The following NTN1 variants were observed in gnomAD, a reference collection of about 807,000 sequenced individuals.
NTN1 encodes netrin-1.
In NTN1, 11 loss-of-function variants were observed where a neutral mutation model predicts 54.2. That is an observed-to-expected ratio of 0.20 (90% CI 0.13 to 0.34). The LOEUF (loss-of-function observed/expected upper bound fraction) is 0.34, where lower values mean the gene tolerates loss of function less well. Ranked by LOEUF, NTN1 falls within the 10% of genes least tolerant of loss-of-function variation. The pLI is 1.00. For missense variants in NTN1, 740 were observed against 893.1 expected (o/e 0.83, Z 2.18); for synonymous variants, 371 against 382.0 (o/e 0.97, Z 0.33).
chr17:9,058,186 G>A (rs780733311), intron 2 of NTN1, among the ~76,000 whole-genome samples: 4 of 152,140 alleles, frequency 2.6e-5, no homozygotes, highest in East Asian at 1.9e-4. Context: ...CACTATGTTC[G>A]TCCTATTTAT....
intron 2 of NTN1, among the ~76,000 whole-genome samples, chr17:9,109,257 G>A (rs970671015): frequency 5.9e-5 from 9 of 152,124 alleles, no homozygotes; most frequent in Admixed American, 2.0e-4. Flanking sequence ...TTCCTTTTTA[G>A]TTCCATTCAA....
intron 2 of NTN1, among the ~76,000 whole-genome samples, chr17:9,060,999 A>G (rs1000931105): frequency 1.4e-5 from 2 of 141,134 alleles, no homozygotes; most frequent in African/African-American, 5.1e-5. Flanking sequence ...AAAGTAGGCA[A>G]CAAAGGTTTA....
At chr17:9,106,467 C>CCCTTCCTTCCTTCCTTCCTTCCTT (rs200226901) in intron 2 of NTN1, among the ~76,000 whole-genome samples, 11 of 120,130 alleles carry the variant, frequency 9.2e-5, no homozygotes, top group South Asian at 5.9e-4. Flanking sequence ...CTTCCTTCCT[C>CCCTTCCTTCCTTCCTTCCTTCCTT]CCTTCCTTCC....
At chr17:9,202,149 G>C (rs1285593096) in intron 5 of NTN1, among the ~76,000 whole-genome samples, 1 of 149,958 alleles carries the variant, frequency 6.7e-6, no homozygotes, top group Non-Finnish European at 1.5e-5. Flanking sequence ...GCTGAGGCGG[G>C]AGAATCGCTT....
At chr17:9,104,506 C>T (rs62069343) in intron 2 of NTN1, among the ~76,000 whole-genome samples, 3,844 of 152,218 alleles carry the variant, frequency 0.025, 79 homozygotes, top group Non-Finnish European at 0.037. Context: ...GGAAGGAGCC[C>T]GGCAGGGGAG....
Position 9,168,015 on chromosome 17 carries a change from G to A in NTN1, c.1207+5014G>A, listed in dbSNP as rs2092377656. ...GATGCGATCTGGGCATTTGGAATTGGAAAAGCTCCCCTGGAGATTCTAATG... is the reference window on the plus strand; with the variant it reads ...GATGCGATCTGGGCATTTGGAATTGAAAAAGCTCCCCTGGAGATTCTAATG... On this transcript the variant is annotated intron_variant, in intron 3 of 6. Transcript: ENST00000173229. 1.3e-5 allele frequency among the ~76,000 whole-genome samples: 2 copies of A among 152,032 alleles called. 1 individual carries two copies.
intron 2 of NTN1, among the ~76,000 whole-genome samples, chr17:9,139,639 T>C (rs996862279): frequency 3.3e-5 from 5 of 152,132 alleles, no homozygotes; most frequent in African/African-American, 7.2e-5. Flanking sequence ...AGTGAGAGAA[T>C]AGGAGAGAAA....
rs372034831 is a variant in NTN1 at position 9,165,767 on chromosome 17, T to C, written c.1207+2766T>C. Among the ~76,000 whole-genome samples the C allele has an allele frequency of 6.6e-6, 1 of 152,312 alleles. No individual in the cohort carries two copies. Among genetic ancestry groups the C allele is most frequent in the African/African-American group, 2.4e-5 (1 of 41,576 alleles). ...TGTCACCTGATTGGTGACAGAAGAC[T>C]ACACTTAAAAATATTTGCCACCTGA... is the stretch of plus-strand genomic sequence containing the variant. On this transcript the variant is annotated intron_variant, in intron 3 of 6. Coordinates refer to ENST00000173229, the MANE Select transcript of NTN1 (RefSeq NM_004822.3). This position sits in a 1 kb window ranked among gnomAD's most constrained non-coding sequence, Gnocchi z 4.5.
At chr17:9,152,374 T>A (rs2092330323) in intron 2 of NTN1, among the ~76,000 whole-genome samples, 1 of 152,134 alleles carries the variant, frequency 6.6e-6, no homozygotes, top group African/African-American at 2.4e-5. Flanking sequence ...CCGGAGAGGA[T>A]CCTGCACACC....
chr17:9,188,167 G>A (rs1904336836), intron 5 of NTN1, among the ~76,000 whole-genome samples: 1 of 152,190 alleles, frequency 6.6e-6, no homozygotes, highest in South Asian at 2.1e-4. Flanking sequence ...AGTGGCTCAC[G>A]CCTGTAATCC....
At chr17:9,040,876 A>G (rs901836582) in intron 2 of NTN1, among the ~76,000 whole-genome samples, 3 of 151,946 alleles carry the variant, frequency 2.0e-5, no homozygotes, top group Admixed American at 1.3e-4. Flanking sequence ...AGCATGATCA[A>G]TCATAGCTCA....
At chr17:9,200,149 G>T (rs986692342) in intron 5 of NTN1, among the ~76,000 whole-genome samples, 5 of 152,252 alleles carry the variant, frequency 3.3e-5, no homozygotes, top group Non-Finnish European at 5.9e-5. Context: ...GCTCAGCTCA[G>T]CTGAATCACC....
At chr17:9,229,122 G>A (rs1905718639) in intron 6 of NTN1, among the ~76,000 whole-genome samples, 1 of 149,364 alleles carries the variant, frequency 6.7e-6, no homozygotes. Context: ...GTGTGACTGT[G>A]TTACTGTGAG....
chr17:9,132,650 G>A (rs140816256), intron 2 of NTN1, among the ~76,000 whole-genome samples: 7 of 152,212 alleles, frequency 4.6e-5, no homozygotes, highest in East Asian at 1.9e-4. Flanking sequence ...TGAGGCAGGC[G>A]GATCACCTGA....
intron 2 of NTN1, among the ~76,000 whole-genome samples, chr17:9,028,802 A>G (rs4791774): frequency 0.49 from 74,519 of 152,054 alleles, 18,803 homozygotes; most frequent in African/African-American, 0.59. Flanking sequence ...ATTGTTACTC[A>G]TGTTATCTTG....
rs1463655057 is a variant in NTN1, at chr17:9,054,867, C to T, written c.1018+31476C>T. Among the ~76,000 whole-genome samples the T allele has an allele frequency of 3.3e-5, 5 of 151,850 alleles. 1 individual carries two copies. In the South Asian group the frequency reaches 6.3e-4, roughly 19 times the overall value. On this transcript the variant is annotated intron_variant, in intron 2 of 6. Transcript: ENST00000173229. ...GGAATGCTAAATGGAGCATTTCTGT[C>T]GCAACAAAGGGGCAAAATGAGGGGA...
Position 9,162,797 on chromosome 17 carries a change from C to T in NTN1, c.1019-16C>T, listed in dbSNP as rs2092361262. 1.9e-6 allele frequency: 3 copies of T among 1,594,658 alleles called. No homozygotes were observed. In the South Asian group the frequency reaches 3.3e-5, roughly 18 times the overall value. The stretch of plus-strand genomic sequence containing the variant: ...GCGCCCCTGCGGCTGACACCTCTCT[C>T]TGTCTCCCCCTGCAGCCTGTAACTG... On this transcript the variant is annotated splice_polypyrimidine_tract_variant and intron_variant, in intron 2 of 6. Transcript: ENST00000173229.
At chr17:9,041,901 C>G (rs1419683420) in intron 2 of NTN1, among the ~76,000 whole-genome samples, 2 of 151,084 alleles carry the variant, frequency 1.3e-5, no homozygotes, top group South Asian at 4.2e-4. Context: ...CCCAGCCACT[C>G]GGGAGGCTGA....
At chr17:9,105,972 A>G (rs1265129077) in intron 2 of NTN1, among the ~76,000 whole-genome samples, 3 of 152,068 alleles carry the variant, frequency 2.0e-5, no homozygotes, top group Non-Finnish European at 4.4e-5. Context: ...CCAAGAGACC[A>G]TCTGGACCAG....
Sources: allele counts gnomAD v4.1 joint callset (sites outside exome capture counted in the v4.1 genomes callset), GRCh38; gene constraint gnomAD v4.1.1; non-coding constraint Gnocchi (gnomAD v3.1); transcripts MANE v1.5; gene names NCBI Gene and HGNC (gene_info 2026-07-23, HGNC 2026-07-21).